The following C1QTNF3 variants were observed in gnomAD, a reference collection of about 807,000 sequenced individuals.
The protein encoded by C1QTNF3 is complement C1q tumor necrosis factor-related protein 3.
Under a neutral mutation model 32.6 loss-of-function variants are expected in C1QTNF3, and 26 were observed. The ratio of observed to expected loss-of-function variants is 0.80; its 90% confidence interval spans 0.58 to 1.11. The LOEUF (loss-of-function observed/expected upper bound fraction) is 1.11. Ranked by LOEUF, C1QTNF3 falls within the 50% of genes least tolerant of loss-of-function variation. The pLI, the probability that C1QTNF3 is intolerant of heterozygous loss-of-function variation, is 0.00. For synonymous variants in C1QTNF3, 155 were observed against 146.0 expected, an observed-to-expected ratio of 1.06 and a Z score of -0.44; for missense variants, 362 against 398.2, an observed-to-expected ratio of 0.91 and a Z score of 0.77.
At chr5:34,186,804 A>C in the C1QTNF3 span, among the ~76,000 whole-genome samples, 1 of 152,306 alleles carries the variant, frequency 6.6e-6, no homozygotes, top group African/African-American at 2.4e-5. Context: ...ATTCACCCAT[A>C]AAATGGTGGG....
the C1QTNF3 span, among the ~76,000 whole-genome samples, chr5:34,169,602 A>G: frequency 6.6e-6 from 1 of 152,040 alleles, no homozygotes; most frequent in Admixed American, 6.6e-5. Context: ...AGCTGTGTAG[A>G]AGTTTGCTTG....
At chr5:34,164,243 TG>T in the C1QTNF3 span, among the ~76,000 whole-genome samples, 1 of 152,114 alleles carries the variant, frequency 6.6e-6, no homozygotes, top group South Asian at 2.1e-4. Flanking sequence ...TGAGATGAAA[TG>T]GTTAGGAAGC....
chr5:34,156,747 C>G, the C1QTNF3 span, among the ~76,000 whole-genome samples: 1 of 151,968 alleles, frequency 6.6e-6, no homozygotes, highest in African/African-American at 2.4e-5. Context: ...AAAAGCAAAA[C>G]ATTTAATAAA....
the C1QTNF3 span, among the ~76,000 whole-genome samples, chr5:34,111,811 G>A: frequency 6.6e-6 from 1 of 152,002 alleles, no homozygotes; most frequent in Non-Finnish European, 1.5e-5. Context: ...ATTTTCATTT[G>A]GGATGAAAGT....
chr5:34,024,031 C>T, intron 4 of C1QTNF3, 23 bp from the exon 5 acceptor site: 1 of 1,586,642 alleles, frequency 6.3e-7, no homozygotes, highest in Non-Finnish European at 8.6e-7. Flanking sequence ...GGTATATATC[C>T]ATGTTGATAT....
the C1QTNF3 span, among the ~76,000 whole-genome samples, chr5:34,171,243 C>T: frequency 6.6e-6 from 1 of 151,640 alleles, no homozygotes; most frequent in African/African-American, 2.4e-5. Flanking sequence ...TAAGCATATA[C>T]TAAAATAGAG....
the C1QTNF3 span, among the ~76,000 whole-genome samples, chr5:34,069,436 C>T: frequency 6.6e-6 from 1 of 151,940 alleles, no homozygotes; most frequent in Non-Finnish European, 1.5e-5. Context: ...CTATACTATC[C>T]CCTCTGTCAC....
chr5:34,031,039 G>A (rs1754600474), intron 3 of C1QTNF3, among the ~76,000 whole-genome samples: 1 of 151,870 alleles, frequency 6.6e-6, no homozygotes, highest in Non-Finnish European at 1.5e-5. Flanking sequence ...CACGACACAA[G>A]TTTAACTATG....
the C1QTNF3 span, among the ~76,000 whole-genome samples, chr5:34,172,779 C>A: frequency 0.11 from 16,823 of 152,156 alleles, 1,287 homozygotes; most frequent in Middle Eastern, 0.17. Context: ...CAGGTAAATA[C>A]ATGCAAACTA....
chr5:34,084,865 GC>G, the C1QTNF3 span, among the ~76,000 whole-genome samples: 1 of 139,998 alleles, frequency 7.1e-6, no homozygotes, highest in Non-Finnish European at 1.5e-5. Context: ...GTCAATTTTG[GC>G]TTTTGTTGCC....
the C1QTNF3 span, among the ~76,000 whole-genome samples, chr5:34,128,282 G>A: frequency 6.6e-6 from 1 of 152,188 alleles, no homozygotes; most frequent in African/African-American, 2.4e-5. Context: ...GGAAGTGCCT[G>A]GATATCCAGG....
the C1QTNF3 span, among the ~76,000 whole-genome samples, chr5:34,156,835 T>C: frequency 6.6e-6 from 1 of 152,204 alleles, no homozygotes; most frequent in Non-Finnish European, 1.5e-5. Flanking sequence ...ATATCACTTT[T>C]TTCTAATTGT....
the C1QTNF3 span, chr5:34,124,624 C>T: frequency 3.5e-4 from 176 of 500,672 alleles, no homozygotes; most frequent in African/African-American, 3.1e-3. Context: ...ATGATCCAAT[C>T]ACCTCCCATC....
At chr5:34,049,420 A>G in the C1QTNF3 span, among the ~76,000 whole-genome samples, 1 of 152,202 alleles carries the variant, frequency 6.6e-6, no homozygotes, top group African/African-American at 2.4e-5. Context: ...TTGAGAAGCC[A>G]AGGTTGACTT....
chr5:34,216,515 T>C, the C1QTNF3 span, among the ~76,000 whole-genome samples: 1 of 152,208 alleles, frequency 6.6e-6, no homozygotes, highest in Non-Finnish European at 1.5e-5. Context: ...CCTGTGACAA[T>C]GTTTTGTGAA....
intron 4 of C1QTNF3, chr5:34,024,263 G>A: frequency 2.5e-6 from 1 of 397,084 alleles, no homozygotes; most frequent in Non-Finnish European, 4.7e-6. Flanking sequence ...CATTTTAACT[G>A]TATCTCACTG....
At chr5:34,206,527 A>AACAGTCACATTTGTG in the C1QTNF3 span, among the ~76,000 whole-genome samples, 1 of 133,028 alleles carries the variant, frequency 7.5e-6, no homozygotes, top group Non-Finnish European at 1.6e-5. Flanking sequence ...AGATTCTAGG[A>AACAGTCACATTTGTG]ACAGTCACAT....
chr5:34,138,234 AAAT>A, the C1QTNF3 span, among the ~76,000 whole-genome samples: 71 of 152,302 alleles, frequency 4.7e-4, no homozygotes, highest in African/African-American at 1.7e-3. Context: ...AGCCCTGGTA[AAAT>A]AATATGTGGT....
At chr5:34,108,143 C>A in the C1QTNF3 span, among the ~76,000 whole-genome samples, 56 of 152,178 alleles carry the variant, frequency 3.7e-4, no homozygotes, top group African/African-American at 1.3e-3. Context: ...GAAGATTTTT[C>A]CTGGATCTTG....
Sources: gnomAD v4.1 joint callset for allele counts (sites outside exome capture counted in the v4.1 genomes callset) on GRCh38, gnomAD v4.1.1 for gene constraint, MANE v1.5 for transcripts, NCBI Gene and HGNC (gene_info 2026-07-23, HGNC 2026-07-21) for gene names.